ESR1: variants seen among roughly 807,000 people sequenced by gnomAD.
ESR1 encodes estrogen receptor.
Under a neutral mutation model 52.7 loss-of-function variants are expected in ESR1, and 12 were observed. The observed-to-expected ratio is 0.23, with a 90% CI of 0.15 to 0.37. The LOEUF is 0.37. ESR1 is among the 10% of genes least tolerant of loss of function. The probability of loss-of-function intolerance (pLI) is 1.00; values close to 1 mark genes in which losing one functional copy is unlikely to be tolerated. For missense variants in ESR1, 584 were observed against 779.7 expected (o/e 0.75, Z 2.99); for synonymous variants, 305 against 316.8 (o/e 0.96, Z 0.39).
chr6:152,000,317 A>G (rs560577248), intron 4 of ESR1, among the ~76,000 whole-genome samples: 124 of 152,140 alleles, frequency 8.2e-4, no homozygotes, highest in African/African-American at 2.8e-3. Context: ...CACCTAACTC[A>G]TAAGTGGCAA....
chr6:151,925,375 G>A (rs1038762510), intron 3 of ESR1, among the ~76,000 whole-genome samples: 7 of 152,172 alleles, frequency 4.6e-5, no homozygotes, highest in African/African-American at 1.7e-4. Context: ...GGGAAGCTGA[G>A]GCAGGCAGAT....
intron 1 of ESR1, among the ~76,000 whole-genome samples, chr6:151,662,047 T>C (rs1048499001): frequency 2.6e-5 from 4 of 152,154 alleles, no homozygotes; most frequent in Non-Finnish European, 5.9e-5. Flanking sequence ...GCCACCACTC[T>C]GCCAGGTGTG....
chr6:151,931,556 C>T (rs1320607548), intron 3 of ESR1, among the ~76,000 whole-genome samples: 1 of 150,052 alleles, frequency 6.7e-6, no homozygotes, highest in Non-Finnish European at 1.5e-5. Context: ...CACCCACTAA[C>T]TCGTCATCTA....
chr6:151,720,238 G>A (rs1015504052), intron 2 of ESR1, among the ~76,000 whole-genome samples: 49 of 152,220 alleles, frequency 3.2e-4, no homozygotes, highest in Admixed American at 1.8e-3. Context: ...TGTGCAATCT[G>A]CCTGCTGAAA....
chr6:151,808,109 C>T lies in ESR1; in HGVS notation c.197C>T (p.Ala66Val), dbSNP rs2128156300. The T allele has an allele frequency of 2.5e-6, 4 of 1,611,284 alleles. No individual in the cohort carries two copies. Among genetic ancestry groups the T allele is most frequent in the Non-Finnish European group, 2.5e-6 (3 of 1,179,272 alleles). ...EGAAYEFNAAAAANAQVYGQT... is the reference protein window; with the variant it reads ...EGAAYEFNAAVAANAQVYGQT... ...GCCGCCTACGAGTTCAACGCCGCGG[C>T]CGCCGCCAACGCGCAGGTCTACGGT... is the stretch of plus-strand genomic sequence containing the variant. Residue 66 changes from alanine to valine, a missense_variant, in exon 1 of 8, where the codon GCC (alanine) becomes GTC (valine). Around this residue, in one of 6 missense-constraint regions of ESR1, gnomAD observed 251 missense variants for 246.1 expected, o/e 1.02. Transcript: ENST00000206249.
intron 2 of ESR1, among the ~76,000 whole-genome samples, chr6:151,791,767 G>A (rs1033940975): frequency 6.6e-6 from 1 of 152,134 alleles, no homozygotes; most frequent in African/African-American, 2.4e-5. Flanking sequence ...AATGGATATT[G>A]TTCTATATTT....
intron 2 of ESR1, among the ~76,000 whole-genome samples, chr6:151,879,842 C>T (rs191401782): frequency 6.6e-6 from 1 of 152,262 alleles, no homozygotes; most frequent in Admixed American, 6.5e-5. Flanking sequence ...GACTGAACTT[C>T]GTCACCACCC....
chr6:151,952,558 G>T (rs1332167296), intron 4 of ESR1, among the ~76,000 whole-genome samples: 3 of 152,096 alleles, frequency 2.0e-5, no homozygotes, highest in Non-Finnish European at 4.4e-5. Context: ...AAACTGCTTA[G>T]CAAATACAAT....
chr6:152,052,465 AAAAT>A lies in ESR1; in HGVS notation c.1236-8512_1236-8509del, dbSNP rs1292865428. 4.6e-5 allele frequency among the ~76,000 whole-genome samples: 7 copies of A among 152,214 alleles called. No individual in the cohort carries two copies. The East Asian group carries it at 1.2e-3, about 25-fold the overall frequency. On this transcript the variant is annotated intron_variant, in intron 5 of 7. Coordinates refer to ENST00000206249, the MANE Select transcript of ESR1 (RefSeq NM_000125.4). ...TGTAAATAAAGTTTTATTTATTTAC[AAAAT>A]AAATAAATAAATACAGTCATAATCA...
At chr6:151,896,471 G>A (rs1795524081) in intron 3 of ESR1, among the ~76,000 whole-genome samples, 1 of 152,108 alleles carries the variant, frequency 6.6e-6, no homozygotes, top group Non-Finnish European at 1.5e-5. Flanking sequence ...GTTTATGTGT[G>A]TAAAGGTGTT....
intron 4 of ESR1, among the ~76,000 whole-genome samples, chr6:151,976,137 A>C (rs940863201): frequency 1.3e-5 from 2 of 152,160 alleles, no homozygotes; most frequent in Non-Finnish European, 2.9e-5. Context: ...CTTTTGTTTA[A>C]GATTTTGTTG....
intron 4 of ESR1, among the ~76,000 whole-genome samples, chr6:151,995,451 A>G (rs181100883): frequency 2.0e-4 from 31 of 152,288 alleles, no homozygotes; most frequent in Admixed American, 7.9e-4. Flanking sequence ...AAAATTCTAC[A>G]CAATTCTCCT....
intron 3 of ESR1, among the ~76,000 whole-genome samples, chr6:151,897,910 G>A (rs556970263): frequency 1.6e-4 from 25 of 152,250 alleles, no homozygotes; most frequent in South Asian, 1.0e-3. Flanking sequence ...TTCTCTTAGC[G>A]TTGTTTTTAT....
At chr6:151,789,200 G>A (rs1262251428) in intron 2 of ESR1, among the ~76,000 whole-genome samples, 6 of 152,182 alleles carry the variant, frequency 3.9e-5, no homozygotes, top group African/African-American at 1.4e-4. Flanking sequence ...GTAAATTAGT[G>A]CAGCCATTTT....
At chr6:151,802,391 T>A (rs927461651), upstream of ESR1, among the ~76,000 whole-genome samples, 1 of 152,240 alleles carries the variant, frequency 6.6e-6, no homozygotes. Flanking sequence ...CAAACCTTCA[T>A]GTCTCAGAGT....
intron 1 of ESR1, among the ~76,000 whole-genome samples, chr6:151,836,183 A>T (rs80266203): frequency 0.026 from 4,009 of 152,314 alleles, 158 homozygotes; most frequent in African/African-American, 0.089. Context: ...GTAATGAGTT[A>T]GATGTAGGAG....
chr6:152,047,716 T>A (rs558750194), intron 5 of ESR1, among the ~76,000 whole-genome samples: 1 of 152,140 alleles, frequency 6.6e-6, no homozygotes, highest in Non-Finnish European at 1.5e-5. Context: ...TGTAACAACA[T>A]TGCATTTGTA....
At chr6:152,081,049 A>G (rs1160392798) in intron 6 of ESR1, among the ~76,000 whole-genome samples, 1 of 152,202 alleles carries the variant, frequency 6.6e-6, no homozygotes, top group Non-Finnish European at 1.5e-5. Flanking sequence ...CCCCACAGTC[A>G]ATATTAAACA....
intron 5 of ESR1, among the ~76,000 whole-genome samples, chr6:152,028,929 C>A (rs1167874721): frequency 6.6e-6 from 1 of 152,208 alleles, no homozygotes. Flanking sequence ...GCCGGGTACT[C>A]CTCTGAGACA....
Sources: allele counts gnomAD v4.1 joint callset (sites outside exome capture counted in the v4.1 genomes callset), GRCh38; gene constraint gnomAD v4.1.1; regional missense constraint gnomAD v4.1.1; transcripts MANE v1.5; gene names NCBI Gene and HGNC (gene_info 2026-07-23, HGNC 2026-07-21).